Variants in ZNF385D observed in about 807,000 individuals in gnomAD.
ZNF385D encodes zinc finger protein 385D.
In ZNF385D, 15 loss-of-function variants were observed where a neutral mutation model predicts 35.8. That is an observed-to-expected ratio of 0.42 (90% CI 0.28 to 0.64). The LOEUF (loss-of-function observed/expected upper bound fraction) is 0.64. ZNF385D is among the 30% of genes least tolerant of loss of function. ZNF385D has a pLI of 0.23. For missense variants in ZNF385D, 474 were observed against 494.6 expected, an observed-to-expected ratio of 0.96 and a Z score of 0.39; for synonymous variants, 212 against 186.8, an observed-to-expected ratio of 1.13 and a Z score of -1.10.
chr3:21,685,928 C>A (rs1296951946), intron 1 of ZNF385D, among the ~76,000 whole-genome samples: 1 of 152,016 alleles, frequency 6.6e-6, no homozygotes, highest in Non-Finnish European at 1.5e-5. Flanking sequence ...ACAATCAGAG[C>A]AGGGAGAATG....
chr3:22,354,673 C>T (rs1696068309), intron 2 of ZNF385D, among the ~76,000 whole-genome samples: 3 of 151,832 alleles, frequency 2.0e-5, no homozygotes, highest in Admixed American at 1.3e-4. Flanking sequence ...CTAGTGACTC[C>T]CATATTGTTT....
chr3:21,557,723 T>G (rs2125622464), intron 3 of ZNF385D, among the ~76,000 whole-genome samples: 1 of 152,334 alleles, frequency 6.6e-6, no homozygotes, highest in East Asian at 1.9e-4. Flanking sequence ...TTGGAATAGT[T>G]TCAGAAGGAA....
intron 3 of ZNF385D, among the ~76,000 whole-genome samples, chr3:22,147,269 C>A (rs1704920139): frequency 6.6e-6 from 1 of 152,040 alleles, no homozygotes; most frequent in Admixed American, 6.6e-5. Context: ...CTTGAATAAC[C>A]ATGTCTCTCC....
At chr3:22,237,669 G>T (rs1013031160) in intron 2 of ZNF385D, among the ~76,000 whole-genome samples, 1 of 151,864 alleles carries the variant, frequency 6.6e-6, no homozygotes, top group Non-Finnish European at 1.5e-5. Context: ...TTTGAGATGG[G>T]GTCTCGCTCT....
chr3:22,371,050 C>T (rs1696880401), intron 2 of ZNF385D, among the ~76,000 whole-genome samples: 2 of 152,176 alleles, frequency 1.3e-5, no homozygotes, highest in African/African-American at 2.4e-5. Context: ...TTCTAAAAAA[C>T]ATCTGGAAAG....
At chr3:21,432,476 T>C (rs1379307813) in intron 5 of ZNF385D, among the ~76,000 whole-genome samples, 3 of 152,168 alleles carry the variant, frequency 2.0e-5, no homozygotes, top group African/African-American at 7.2e-5. Flanking sequence ...AAATTAGTAA[T>C]GAGCTTTAAC....
intron 4 of ZNF385D, among the ~76,000 whole-genome samples, chr3:21,484,952 G>A (rs1041822868): frequency 1.3e-5 from 2 of 152,052 alleles, no homozygotes; most frequent in Non-Finnish European, 2.9e-5. Context: ...ACCAAAAATG[G>A]GGAACTTATC....
At chr3:21,978,660 C>G (rs1024190966) in intron 3 of ZNF385D, among the ~76,000 whole-genome samples, 1 of 152,088 alleles carries the variant, frequency 6.6e-6, no homozygotes, top group South Asian at 2.1e-4. Flanking sequence ...TTTATGAGTA[C>G]AAGACATTTC....
At chr3:22,232,004 C>T (rs866656162) in intron 2 of ZNF385D, among the ~76,000 whole-genome samples, 1 of 151,946 alleles carries the variant, frequency 6.6e-6, no homozygotes, top group African/African-American at 2.4e-5. Context: ...TTTCCTGAGG[C>T]CCCCCAAAAG....
At chr3:22,106,542 C>T (rs897908546) in intron 3 of ZNF385D, among the ~76,000 whole-genome samples, 1 of 152,134 alleles carries the variant, frequency 6.6e-6, no homozygotes, top group Non-Finnish European at 1.5e-5. Context: ...GACTTTAGCT[C>T]CTGGGCATCT....
intron 2 of ZNF385D, among the ~76,000 whole-genome samples, chr3:21,568,846 A>G (rs148632890): frequency 1.8e-4 from 27 of 152,338 alleles, no homozygotes; most frequent in African/African-American, 6.0e-4. Context: ...TAGACACCAA[A>G]CGAAGAATGT....
intron 2 of ZNF385D, among the ~76,000 whole-genome samples, chr3:22,240,648 GACCCA>G (rs1699443453): frequency 6.6e-6 from 1 of 150,934 alleles, no homozygotes; most frequent in African/African-American, 2.5e-5. Context: ...TGCAGCAATT[GACCCA>G]CAATTGCTGC....
At chr3:21,951,957 T>C (rs998370015) in intron 3 of ZNF385D, among the ~76,000 whole-genome samples, 4 of 151,710 alleles carry the variant, frequency 2.6e-5, no homozygotes, top group East Asian at 3.9e-4. Flanking sequence ...GATGAGGTTG[T>C]TGAAAAACCA....
At chr3:22,145,220 GC>G (rs1704777812) in intron 3 of ZNF385D, among the ~76,000 whole-genome samples, 1 of 152,088 alleles carries the variant, frequency 6.6e-6, no homozygotes, top group Non-Finnish European at 1.5e-5. Context: ...TTCTCTCTAT[GC>G]CTTGCAACCA....
At chr3:21,629,694 T>A (rs2065228240) in intron 2 of ZNF385D, among the ~76,000 whole-genome samples, 1 of 152,154 alleles carries the variant, frequency 6.6e-6, no homozygotes, top group Non-Finnish European at 1.5e-5. Flanking sequence ...TGGGCTACTC[T>A]TTTAAGCTCT....
intron 2 of ZNF385D, among the ~76,000 whole-genome samples, chr3:22,360,991 A>AC (rs1457764450): frequency 3.9e-5 from 6 of 152,188 alleles, no homozygotes; most frequent in African/African-American, 1.4e-4. Context: ...TTATTCTGAT[A>AC]CACAAGGTCG....
chr3:22,039,739 T>C (rs774056131), intron 3 of ZNF385D, among the ~76,000 whole-genome samples: 98 of 152,164 alleles, frequency 6.4e-4, no homozygotes, highest in Non-Finnish European at 1.1e-3. Flanking sequence ...TATAACTAAA[T>C]AACTATTGCT....
chr3:22,363,615 T>C (rs1342268915), intron 2 of ZNF385D, among the ~76,000 whole-genome samples: 3 of 152,084 alleles, frequency 2.0e-5, no homozygotes, highest in Non-Finnish European at 4.4e-5. Flanking sequence ...TCTGGAAAAA[T>C]AGTATTCTGA....
rs150221192 is a variant in ZNF385D, at chr3:22,203,098, C to G, written c.107-34063G>C. 2.5e-3 allele frequency among the ~76,000 whole-genome samples: 375 copies of G among 152,130 alleles called. 1 individual carries two copies. Among genetic ancestry groups the G allele is most frequent in the South Asian group, 0.014 (67 of 4,814 alleles). On this transcript the variant is annotated intron_variant, in intron 2 of 5. Transcript: ENST00000494108. ...GCTTCTGCTACTCCTCCCTCAATCCCAGGCAGTGCAGCTCACAGCTCCAAA... is the reference window on the plus strand; with the variant it reads ...GCTTCTGCTACTCCTCCCTCAATCCGAGGCAGTGCAGCTCACAGCTCCAAA...
Sources: allele counts gnomAD v4.1 joint callset (sites outside exome capture counted in the v4.1 genomes callset), GRCh38; gene constraint gnomAD v4.1.1; transcripts MANE v1.5; gene names NCBI Gene and HGNC (gene_info 2026-07-23, HGNC 2026-07-21).